The following CALN1 variants were observed in gnomAD, a reference collection of about 807,000 sequenced individuals.
The protein encoded by CALN1 is calneuron 1.
Under a neutral mutation model 30.6 loss-of-function variants are expected in CALN1, and 17 were observed. The observed-to-expected ratio is 0.56, with a 90% CI of 0.38 to 0.83. The LOEUF is 0.83. CALN1 is among the 40% of genes least tolerant of loss of function. The probability of loss-of-function intolerance (pLI) is 0.00; values close to 1 mark genes in which losing one functional copy is unlikely to be tolerated. For synonymous variants in CALN1, 156 were observed against 131.4 expected (o/e 1.19, Z -1.28); for missense variants, 291 against 354.9 (o/e 0.82, Z 1.45).
chr7:72,428,800 A>C lies in CALN1; in HGVS notation c.-225-16525T>G, dbSNP rs1177736635. ...GATTGCTTGAGTCCAGGAGTTCAAGACCAGCCTGGCCAACATGGCGAAACC... is the reference window on the plus strand; with the variant it reads ...GATTGCTTGAGTCCAGGAGTTCAAGCCCAGCCTGGCCAACATGGCGAAACC... On this transcript the variant is annotated intron_variant, in intron 1 of 6. Coordinates refer to the CALN1 transcript ENST00000395276. 2.0e-5 allele frequency among the ~76,000 whole-genome samples: 3 copies of C among 152,288 alleles called. No homozygotes were observed. In the South Asian group the frequency reaches 6.2e-4, roughly 32 times the overall value.
intron 3 of CALN1, among the ~76,000 whole-genome samples, chr7:72,175,945 C>T (rs1235113442): frequency 6.6e-6 from 1 of 151,196 alleles, no homozygotes; most frequent in African/African-American, 2.4e-5. Context: ...TTTAAGTGCA[C>T]TAAAATAAAA....
chr7:72,174,212 T>C (rs547525741), intron 3 of CALN1, among the ~76,000 whole-genome samples: 1 of 152,256 alleles, frequency 6.6e-6, no homozygotes, highest in African/African-American at 2.4e-5. Context: ...TTCAGCAGAA[T>C]GGTTAAAATT....
intron 4 of CALN1, among the ~76,000 whole-genome samples, chr7:72,035,832 C>T (rs1375870285): frequency 1.3e-5 from 2 of 152,166 alleles, no homozygotes; most frequent in Non-Finnish European, 2.9e-5. Flanking sequence ...TTTGAAAACG[C>T]ATTAATGTCT....
chr7:72,186,526 C>G (rs970067781), intron 3 of CALN1, among the ~76,000 whole-genome samples: 1 of 152,164 alleles, frequency 6.6e-6, no homozygotes, highest in Non-Finnish European at 1.5e-5. Flanking sequence ...CTTACACAAG[C>G]AGTGAACACA....
rs143118617 is a variant in CALN1 at position 71,831,088 on chromosome 7, T to C, written c.502-20596A>G. 6.2e-4 allele frequency among the ~76,000 whole-genome samples: 94 copies of C among 152,280 alleles called. 1 individual carries two copies. In the East Asian group the frequency reaches 0.016, roughly 26 times the overall value. ...TTCAGGAGCTAATGGACTCATAATC[T>C]AGGATGGATTCTGCCACTAACTAGT... On this transcript the variant is annotated intron_variant, in intron 5 of 6. Coordinates refer to ENST00000395275, the MANE Select transcript of CALN1 (RefSeq NM_031468.4).
chr7:72,000,388 T>A (rs940910716), intron 5 of CALN1, among the ~76,000 whole-genome samples: 1 of 151,690 alleles, frequency 6.6e-6, no homozygotes, highest in Non-Finnish European at 1.5e-5. Context: ...AATAGGGGAA[T>A]ACTATGAATA....
chr7:71,985,580 TTTTC>T (rs950514515), intron 5 of CALN1, among the ~76,000 whole-genome samples: 4 of 145,360 alleles, frequency 2.8e-5, no homozygotes, highest in Admixed American at 1.4e-4. Flanking sequence ...GTACAGGTAG[TTTTC>T]TTTTTTTTTT....
rs373555221 is a variant in CALN1 at position 71,901,862 on chromosome 7, G to A, written c.502-91370C>T. Among the ~76,000 whole-genome samples, 105 of 152,240 alleles carry A rather than the reference G, an allele frequency of 6.9e-4. No homozygotes were observed. In the Middle Eastern group the frequency reaches 0.017, roughly 25 times the overall value. ...TCATCTGGATGTTGACTTTGGCAAA[G>A]AATTCATGACTAAGACCTCAAATGC... On this transcript the variant is annotated intron_variant, in intron 5 of 6. Coordinates refer to ENST00000395275, the MANE Select transcript of CALN1 (RefSeq NM_031468.4).
intron 5 of CALN1, among the ~76,000 whole-genome samples, chr7:71,840,453 C>T (rs963274833): frequency 1.4e-5 from 2 of 141,984 alleles, no homozygotes; most frequent in Non-Finnish European, 3.0e-5. Context: ...CCATGGCACT[C>T]CAGCCTGGGT....
chr7:72,165,641 G>A (rs1788468735), intron 3 of CALN1, among the ~76,000 whole-genome samples: 1 of 151,990 alleles, frequency 6.6e-6, no homozygotes, highest in South Asian at 2.1e-4. Context: ...AAAATGGGAA[G>A]GGAAAAGAAT....
At chr7:71,912,485 A>G (rs1794475662) in intron 5 of CALN1, among the ~76,000 whole-genome samples, 1 of 152,130 alleles carries the variant, frequency 6.6e-6, no homozygotes, top group Non-Finnish European at 1.5e-5. Context: ...GGCCACACAC[A>G]CAATTCGTGC....
chr7:72,359,933 C>T (rs1189914324), intron 2 of CALN1, among the ~76,000 whole-genome samples: 7 of 134,698 alleles, frequency 5.2e-5, no homozygotes, highest in South Asian at 2.4e-4. Flanking sequence ...GCCAAAATCA[C>T]GCCACTGCAC....
chr7:72,101,913 A>G (rs1584944242), intron 4 of CALN1, among the ~76,000 whole-genome samples: 2 of 152,194 alleles, frequency 1.3e-5, no homozygotes, highest in East Asian at 3.8e-4. Flanking sequence ...AAAACAAAAC[A>G]AAGAGGCCTC....
chr7:71,969,034 G>A (rs1797664223), intron 5 of CALN1, among the ~76,000 whole-genome samples: 1 of 151,226 alleles, frequency 6.6e-6, no homozygotes, highest in Admixed American at 6.6e-5. Flanking sequence ...CGGTGACAGA[G>A]TGAGCCTCTA....
At chr7:72,133,363 A>T (rs2129542965) in intron 3 of CALN1, among the ~76,000 whole-genome samples, 1 of 152,366 alleles carries the variant, frequency 6.6e-6, no homozygotes, top group South Asian at 2.1e-4. Context: ...GCAGTAGCTT[A>T]TAATCTGTTG....
chr7:72,398,719 G>A (rs936140686), intron 2 of CALN1, among the ~76,000 whole-genome samples: 3 of 152,228 alleles, frequency 2.0e-5, no homozygotes, highest in Admixed American at 6.5e-5. Context: ...GCTCCTCTTA[G>A]GGGTCCTGGG....
At chr7:72,269,877 G>A (rs1426604287) in intron 3 of CALN1, among the ~76,000 whole-genome samples, 1 of 152,204 alleles carries the variant, frequency 6.6e-6, no homozygotes, top group African/African-American at 2.4e-5. Flanking sequence ...GAGCCTTGAT[G>A]TTGGATTTAG....
intron 2 of CALN1, among the ~76,000 whole-genome samples, chr7:72,300,689 T>C (rs1054393831): frequency 6.6e-6 from 1 of 152,192 alleles, no homozygotes; most frequent in African/African-American, 2.4e-5. Flanking sequence ...GTATAAACTG[T>C]ATTTGTCTAA....
At chr7:72,203,242 C>G (rs925198491) in intron 3 of CALN1, among the ~76,000 whole-genome samples, 1 of 151,978 alleles carries the variant, frequency 6.6e-6, no homozygotes, top group African/African-American at 2.4e-5. Flanking sequence ...GCATGCGGGG[C>G]TTAAAATCTA....
Sources: allele counts gnomAD v4.1 joint callset (sites outside exome capture counted in the v4.1 genomes callset), GRCh38; gene constraint gnomAD v4.1.1; transcripts MANE v1.5; gene names NCBI Gene and HGNC (gene_info 2026-07-23, HGNC 2026-07-21).